The following UGCG variants were observed in gnomAD, a reference collection of about 807,000 sequenced individuals.
UGCG encodes the protein ceramide glucosyltransferase.
UGCG carries 10 observed loss-of-function variants against 49.5 expected under a neutral mutation model. That is an observed-to-expected ratio of 0.20 (90% confidence interval 0.12 to 0.34). UGCG has a LOEUF of 0.34. Among genes scored for constraint, UGCG ranks in the 10% least tolerant of loss-of-function variants. UGCG has a pLI of 1.00. For synonymous variants in UGCG, 182 were observed against 158.2 expected, an observed-to-expected ratio of 1.15 and a Z score of -1.13; for missense variants, 312 against 483.7, an observed-to-expected ratio of 0.65 and a Z score of 3.33.
chr9:111,919,373 C>T (rs565045503), intron 2 of UGCG, among the ~76,000 whole-genome samples: 1 of 152,180 alleles, frequency 6.6e-6, no homozygotes, highest in East Asian at 1.9e-4. Context: ...GTCCCAGCTA[C>T]TCGGGAGGCT....
At chr9:111,922,070 C>T (rs1395882617) in intron 2 of UGCG, among the ~76,000 whole-genome samples, 1 of 151,700 alleles carries the variant, frequency 6.6e-6, no homozygotes. Context: ...ACCTTGACCT[C>T]CCAAAGTGCT....
chr9:111,923,052 T>A, intron 3 of UGCG, 101 bp downstream of exon 3: 1 of 732,528 alleles, frequency 1.4e-6, no homozygotes, highest in Non-Finnish European at 2.1e-6. Context: ...ATGTTTGTTT[T>A]AAACATGTTT....
chr9:111,920,363 T>A (rs972090574), intron 2 of UGCG, among the ~76,000 whole-genome samples: 1 of 152,248 alleles, frequency 6.6e-6, no homozygotes, highest in Non-Finnish European at 1.5e-5. Flanking sequence ...AAATTTCTTT[T>A]ATTTTTATTT....
At chr9:111,913,072 A>C (rs965473070) in intron 1 of UGCG, among the ~76,000 whole-genome samples, 3 of 152,242 alleles carry the variant, frequency 2.0e-5, no homozygotes, top group East Asian at 3.8e-4. Context: ...GGATTTTATC[A>C]AATCAAGATG....
chr9:111,932,519 C>T (rs919012353), intron 8 of UGCG, among the ~76,000 whole-genome samples, 160 bp downstream of exon 8: 1 of 152,154 alleles, frequency 6.6e-6, no homozygotes, highest in East Asian at 1.9e-4. Flanking sequence ...AATGTTGATG[C>T]AAAACTTAAG....
At chr9:111,926,350 T>C in intron 4 of UGCG, 34 bp from the exon 5 acceptor site, 1 of 1,513,674 alleles carries the variant, frequency 6.6e-7, no homozygotes, top group Non-Finnish European at 9.0e-7. Context: ...AAATTTTCTT[T>C]TCTCCCCCTC....
chr9:111,929,714 A>T, intron 6 of UGCG, 36 bp downstream of exon 6: 2 of 1,603,278 alleles, frequency 1.2e-6, no homozygotes, highest in Non-Finnish European at 1.7e-6. Flanking sequence ...TATTTTTATT[A>T]CCTAACTTCT....
At chr9:111,898,159 G>A (rs1428258707) in intron 1 of UGCG, among the ~76,000 whole-genome samples, 1 of 151,670 alleles carries the variant, frequency 6.6e-6, no homozygotes, top group Non-Finnish European at 1.5e-5. Flanking sequence ...GGGTGATGGC[G>A]TGAATAGAGA....
At chr9:111,908,787 C>T (rs1408402299) in intron 1 of UGCG, among the ~76,000 whole-genome samples, 3 of 152,168 alleles carry the variant, frequency 2.0e-5, no homozygotes, top group East Asian at 1.9e-4. Context: ...AATGCAGAAA[C>T]CCTGATCTGA....
chr9:111,914,653 G>A lies in UGCG; in HGVS notation c.147G>A (p.Lys49=). The stretch of plus-strand genomic sequence containing the variant: ...CAACTGACAAACAGCCTTATAGCAA[G>A]CTCCCAGGTGTCTCTCTTCTGAAAC... ...KKATDKQPYS[K]LPGVSLLKPL... Residue 49 remains lysine, a synonymous_variant, in exon 2 of 9, where the codon AAG becomes AAA. Coordinates refer to ENST00000374279, the MANE Select transcript of UGCG (RefSeq NM_003358.3). 2 of 1,614,104 alleles carry A rather than the reference G, an allele frequency of 1.2e-6. No individual in the cohort carries two copies. Among genetic ancestry groups the A allele is most frequent in the Non-Finnish European group, 1.7e-6 (2 of 1,180,004 alleles).
intron 1 of UGCG, among the ~76,000 whole-genome samples, chr9:111,909,319 A>T (rs574329161): frequency 1.4e-4 from 22 of 152,218 alleles, no homozygotes; most frequent in African/African-American, 3.6e-4. Flanking sequence ...ATTTAAAAAA[A>T]TTTTTTTGAA....
chr9:111,926,537 C>G (rs766458363), intron 5 of UGCG, 41 bp downstream of exon 5: 75 of 1,434,650 alleles, frequency 5.2e-5, no homozygotes, highest in Non-Finnish European at 6.8e-5. Flanking sequence ...AGTATCAGAC[C>G]CCTCATTTCC....
intron 6 of UGCG, 116 bp downstream of exon 6, chr9:111,929,794 A>G (rs779415405): frequency 9.1e-6 from 11 of 1,212,698 alleles, no homozygotes; most frequent in East Asian, 2.5e-5. Flanking sequence ...TTTTGCTAGT[A>G]AGTACAGAAT....
chr9:111,929,772 T>C (rs765055158), intron 6 of UGCG, 94 bp downstream of exon 6: 4 of 1,442,572 alleles, frequency 2.8e-6, no homozygotes, highest in Non-Finnish European at 3.8e-6. Flanking sequence ...CTTTTTAATT[T>C]AATTTTATTT....
chr9:111,928,575 T>C (rs1451445701), intron 5 of UGCG, among the ~76,000 whole-genome samples: 1 of 152,238 alleles, frequency 6.6e-6, no homozygotes, highest in African/African-American at 2.4e-5. Flanking sequence ...AATTAAGATA[T>C]GTGCCTCTGT....
intron 2 of UGCG, among the ~76,000 whole-genome samples, chr9:111,920,482 C>T (rs1392861148): frequency 1.3e-5 from 2 of 152,158 alleles, no homozygotes; most frequent in African/African-American, 4.8e-5. Flanking sequence ...TCTCCTGCCT[C>T]AGCTTCCCAA....
chr9:111,901,056 TC>T (rs990814310), intron 1 of UGCG, among the ~76,000 whole-genome samples: 7 of 151,994 alleles, frequency 4.6e-5, no homozygotes, highest in African/African-American at 1.4e-4. Context: ...GCTCAAGTGA[TC>T]CCCCCACCTT....
chr9:111,932,691 C>A, intron 8 of UGCG, 136 bp from the exon 9 acceptor site: 1 of 771,206 alleles, frequency 1.3e-6, no homozygotes, highest in Non-Finnish European at 2.0e-6. Context: ...TATAACATGG[C>A]AGTTAAATTA....
At chr9:111,918,690 T>G (rs1838154651) in intron 2 of UGCG, among the ~76,000 whole-genome samples, 1 of 152,038 alleles carries the variant, frequency 6.6e-6, no homozygotes, top group Non-Finnish European at 1.5e-5. Context: ...TCCCAGCACT[T>G]TGGGAGGCCG....
Sources: gnomAD v4.1 joint callset for allele counts (sites outside exome capture counted in the v4.1 genomes callset) on GRCh38, gnomAD v4.1.1 for gene constraint, MANE v1.5 for transcripts, NCBI Gene and HGNC (gene_info 2026-07-23, HGNC 2026-07-21) for gene names.